Variants in OR56A1 observed in about 807,000 individuals in gnomAD.
OR56A1 encodes the protein olfactory receptor 56A1.
For missense variants in OR56A1, 360 were observed against 380.9 expected, an observed-to-expected ratio of 0.94 and a Z score of 0.46; for synonymous variants, 174 against 159.1, an observed-to-expected ratio of 1.09 and a Z score of -0.70.
rs1226183614 is a variant in OR56A1 at position 6,021,868 on chromosome 11, G to A, written c.*4880C>T. The A allele has an allele frequency of 2.0e-5, 3 of 152,102 alleles. No individual in the cohort carries two copies. Among genetic ancestry groups the A allele is most frequent in the Admixed American group, 2.0e-4 (3 of 15,254 alleles). 9.4% of individuals were successfully genotyped at this position (152,102 alleles called of 1,614,324 possible). On this transcript the variant is annotated 3_prime_UTR_variant, in exon 2 of 2. Coordinates refer to ENST00000641900, the MANE Select transcript of OR56A1 (RefSeq NM_001388488.1). ...AAATATTGCAATATCTGCTCCTAAA[G>A]CATTCTCGCATTACTATTAAGTTAC...
At chr11:6,030,493 GAGGA>G (rs1449442573) in intron 1 of OR56A1, among the ~76,000 whole-genome samples, 1 of 152,038 alleles carries the variant, frequency 6.6e-6, no homozygotes, top group African/African-American at 2.4e-5. Context: ...GAAAAGGAAG[GAGGA>G]AGGGAGGGAG....
rs960204683 is a variant in OR56A1, at chr11:6,021,729, A to C, written c.*5019T>G. On this transcript the variant is annotated 3_prime_UTR_variant, in exon 2 of 2. Transcript: ENST00000641900. The stretch of plus-strand genomic sequence containing the variant: ...CAAACCCCCAAAGGCAGATGGCATT[A>C]AAAAAACAATAAAAAGCAATGATCA... 2 of 152,058 alleles carry C rather than the reference A, an allele frequency of 1.3e-5. No individual in the cohort carries two copies. Among genetic ancestry groups the C allele is most frequent in the Non-Finnish European group, 2.9e-5 (2 of 67,982 alleles). 9.4% of individuals were successfully genotyped at this position (152,058 alleles called of 1,614,324 possible). A position where few individuals can be genotyped will look rare whatever the true frequency, so the allele number is the denominator to read the frequency against.
In OR56A1 at chr11:6,026,819, G is replaced by A. The variant is rs1461554557; in HGVS notation, c.874C>T (p.Pro292Ser). The A allele has an allele frequency of 6.2e-7, 1 of 1,614,082 alleles. No homozygotes were observed. The highest frequency in any genetic ancestry group is 1.7e-5 in the Admixed American group (1 of 60,018). Residue 292 changes from proline (P) to serine (S), a missense_variant, in exon 2 of 2, where the codon CCT becomes TCT. By Grantham distance (74) the Pro-to-Ser change is moderately conservative. Coordinates refer to ENST00000641900, the MANE Select transcript of OR56A1 (RefSeq NM_001388488.1). ...LHHLIPPALN[P>S]IVYGVRTKEI... Reference sequence around the variant, plus strand: ...TTGGTCCGAACCCCATACACAATAGGGTTCAATGCAGGAGGAATAAGGTGA... The same window carrying A: ...TTGGTCCGAACCCCATACACAATAGAGTTCAATGCAGGAGGAATAAGGTGA...
Position 6,021,905 on chromosome 11 carries a change from T to C in OR56A1, c.*4843A>G, listed in dbSNP as rs535801948. The C allele has an allele frequency of 6.6e-6, 1 of 152,182 alleles. No homozygotes were observed. The allele number at this position is 152,182 out of a possible 1,614,324, so 9.4% of individuals were successfully genotyped here. ...TACTATTAAGTTACTGCTAACTGAA[T>C]TCTACACTTCATTTCCAGTTGGAAA... On this transcript the variant is annotated 3_prime_UTR_variant, in exon 2 of 2. Coordinates refer to ENST00000641900, the MANE Select transcript of OR56A1 (RefSeq NM_001388488.1).
chr11:6,025,253 C>G lies in OR56A1; in HGVS notation c.*1495G>C, dbSNP rs1848435740. 6.6e-6 allele frequency: 1 copy of G among 152,242 alleles called. No homozygotes were observed. Among genetic ancestry groups the G allele is most frequent in the Non-Finnish European group, 1.5e-5 (1 of 68,118 alleles). The allele number at this position is 152,242 out of a possible 1,614,324, so 9.4% of individuals were successfully genotyped here. A position where few individuals can be genotyped will look rare whatever the true frequency, so the allele number is the denominator to read the frequency against. On this transcript the variant is annotated 3_prime_UTR_variant, in exon 2 of 2. Transcript: ENST00000641900. The stretch of plus-strand genomic sequence containing the variant: ...AGACCCACATAAGATTGGAGCTGCG[C>G]CAGTTACTAACACTTATCTCTCAGT...
At position 6,023,160 on chromosome 11, in the gene OR56A1, G is replaced by A. The variant is rs1848414083; in HGVS notation, c.*3588C>T. On this transcript the variant is annotated 3_prime_UTR_variant, in exon 2 of 2. Transcript: ENST00000641900. ...TACAGTACCGTTATTCCCACAAATA[G>A]CCACAAAGGGGCAATGTTGACTTGC... The A allele has an allele frequency of 6.6e-6, 1 of 152,144 alleles. No individual in the cohort carries two copies. The highest frequency in any genetic ancestry group is 1.9e-4 in the East Asian group (1 of 5,192). 9.4% of individuals were successfully genotyped at this position (152,144 alleles called of 1,614,324 possible).
intron 1 of OR56A1, among the ~76,000 whole-genome samples, chr11:6,029,715 C>T (rs1347035170): frequency 6.6e-6 from 1 of 152,180 alleles, no homozygotes; most frequent in Non-Finnish European, 1.5e-5. Flanking sequence ...ACACATCCAT[C>T]ATCCACTACC....
rs993777834 is a variant in OR56A1 at position 6,024,271 on chromosome 11, C to T, written c.*2477G>A. 2 of 152,220 alleles carry T rather than the reference C, an allele frequency of 1.3e-5. No homozygotes were observed. The highest frequency in any genetic ancestry group is 2.9e-5 in the Non-Finnish European group (2 of 68,052). 9.4% of individuals were successfully genotyped at this position (152,220 alleles called of 1,614,324 possible). ...CCCACTGCTGTCTTGGTCCCTCCATCCTTTACAAATCCCTACAACAAAGTT... is the reference window on the plus strand; with the variant it reads ...CCCACTGCTGTCTTGGTCCCTCCATTCTTTACAAATCCCTACAACAAAGTT... On this transcript the variant is annotated 3_prime_UTR_variant, in exon 2 of 2. Transcript: ENST00000641900.
At chr11:6,028,487 C>A (rs969058617) in intron 1 of OR56A1, among the ~76,000 whole-genome samples, 1 of 152,026 alleles carries the variant, frequency 6.6e-6, no homozygotes, top group Admixed American at 6.5e-5. Flanking sequence ...CAGAAGGTGA[C>A]ATCAAATACC....
rs1272293206 is a variant in OR56A1, at chr11:6,021,539, T to TAAA, written c.*5206_*5208dup. On this transcript the variant is annotated 3_prime_UTR_variant, in exon 2 of 2. Coordinates refer to ENST00000641900, the MANE Select transcript of OR56A1 (RefSeq NM_001388488.1). ...ATCAATTTTAAAATGAATAATTAAA[T>TAAA]AAAAAATTATTTAAAGTACTGATAC... 6.6e-6 allele frequency: 1 copy of TAAA among 152,048 alleles called. No individual in the cohort carries two copies. Among genetic ancestry groups the TAAA allele is most frequent in the African/African-American group, 2.4e-5 (1 of 41,416 alleles). The allele number at this position is 152,048 out of a possible 1,614,324, so 9.4% of individuals were successfully genotyped here. A position where few individuals can be genotyped will look rare whatever the true frequency, so the allele number is the denominator to read the frequency against.
In OR56A1 at chr11:6,024,620, C is replaced by T. The variant is rs1204604490; in HGVS notation, c.*2128G>A. The T allele has an allele frequency of 2.0e-5, 3 of 152,152 alleles. No individual in the cohort carries two copies. The highest frequency in any genetic ancestry group is 1.9e-4 in the East Asian group (1 of 5,202). The allele number at this position is 152,152 out of a possible 1,614,324, so 9.4% of individuals were successfully genotyped here. A position where few individuals can be genotyped will look rare whatever the true frequency, so the allele number is the denominator to read the frequency against. ...CTTTTATGATCACGTATAGAAGGCT[C>T]TTATGAAAATTAAATATTATTATTC... On this transcript the variant is annotated 3_prime_UTR_variant, in exon 2 of 2. Coordinates refer to ENST00000641900, the MANE Select transcript of OR56A1 (RefSeq NM_001388488.1).
At position 6,027,721 on chromosome 11, in the gene OR56A1, T is replaced by C; in HGVS notation, c.-29A>G. On this transcript the variant is annotated 5_prime_UTR_variant, in exon 2 of 2. Transcript: ENST00000641900. ...CTGAATCATGAGCTGAGTAGGCTTC[T>C]GATGACTATGTTTATGGGCAGATAC... is the stretch of plus-strand genomic sequence containing the variant. 1 of 1,505,608 alleles carries C rather than the reference T, an allele frequency of 6.6e-7. No homozygotes were observed. Among genetic ancestry groups the C allele is most frequent in the Non-Finnish European group, 9.0e-7 (1 of 1,116,188 alleles). 93.3% of individuals were successfully genotyped at this position (1,505,608 alleles called of 1,614,324 possible).
rs1848381330 is a variant in OR56A1 at position 6,020,190 on chromosome 11, A to G, written c.*6558T>C. The G allele has an allele frequency of 1.3e-5, 2 of 152,160 alleles. No individual in the cohort carries two copies. The highest frequency in any genetic ancestry group is 2.9e-5 in the Non-Finnish European group (2 of 67,992). 9.4% of individuals were successfully genotyped at this position (152,160 alleles called of 1,614,324 possible). ...CAGAAAATACATTGTTTCCAATCAA[A>G]TACCAGGATCTTAACATAATCATAG... On this transcript the variant is annotated 3_prime_UTR_variant, in exon 2 of 2. Transcript: ENST00000641900.
Position 6,027,681 on chromosome 11 carries a change from G to T in OR56A1, c.12C>A (p.Pro4=). 6.3e-7 allele frequency: 1 copy of T among 1,591,502 alleles called. No individual in the cohort carries two copies. The highest frequency in any genetic ancestry group is 8.6e-7 in the Non-Finnish European group (1 of 1,169,462). Reference sequence around the variant, plus strand: ...AGACTGGGACAGTGGAGCTGTTGCTGGGTGACGCCATAGGCTGAATCATGA... The same window carrying T: ...AGACTGGGACAGTGGAGCTGTTGCTTGGTGACGCCATAGGCTGAATCATGA... The part of the protein sequence containing the change: MAS[P]SNSSTVPVSE... Residue 4 remains proline, a synonymous_variant, in exon 2 of 2, where the codon CCC becomes CCA. Coordinates refer to ENST00000641900, the MANE Select transcript of OR56A1 (RefSeq NM_001388488.1).
At position 6,022,838 on chromosome 11, in the gene OR56A1, T is replaced by G. The variant is rs1008988343; in HGVS notation, c.*3910A>C. On this transcript the variant is annotated 3_prime_UTR_variant, in exon 2 of 2. Coordinates refer to ENST00000641900, the MANE Select transcript of OR56A1 (RefSeq NM_001388488.1). ...AATAACTAATTTTTGGTTGAATAGGTGCAGAAATGTTGTTATTATATACAG... is the reference window on the plus strand; with the variant it reads ...AATAACTAATTTTTGGTTGAATAGGGGCAGAAATGTTGTTATTATATACAG... 10 of 152,168 alleles carry G rather than the reference T, an allele frequency of 6.6e-5. No homozygotes were observed. Among genetic ancestry groups the G allele is most frequent in the Non-Finnish European group, 1.0e-4 (7 of 68,016 alleles). 9.4% of individuals were successfully genotyped at this position (152,168 alleles called of 1,614,324 possible).
In OR56A1 at chr11:6,027,455, C is replaced by A; in HGVS notation, c.238G>T (p.Val80Phe). ...AAGATGGCCAGGACCTTGGGGATGA[C>A]GGTGAGGCAGAGCACGATGTCCAGC... is the stretch of plus-strand genomic sequence containing the variant. ...SLLDIVLCLT[V>F]IPKVLAIFWY... is the part of the protein sequence containing the mutation. Residue 80 changes from valine to phenylalanine, a missense_variant, in exon 2 of 2, where the codon GTC becomes TTC. Coordinates refer to ENST00000641900, the MANE Select transcript of OR56A1 (RefSeq NM_001388488.1). 1 of 1,614,106 alleles carries A rather than the reference C, an allele frequency of 6.2e-7. No individual in the cohort carries two copies. Among genetic ancestry groups the A allele is most frequent in the Non-Finnish European group, 8.5e-7 (1 of 1,180,020 alleles).
chr11:6,024,952 G>C lies in OR56A1; in HGVS notation c.*1796C>G, dbSNP rs940566987. On this transcript the variant is annotated 3_prime_UTR_variant, in exon 2 of 2. Coordinates refer to ENST00000641900, the MANE Select transcript of OR56A1 (RefSeq NM_001388488.1). ...ATGGGTATAATTTTTCTTTCCTACTGTTGTTGAGTGACTGGAAGAAACTCT... is the reference window on the plus strand; with the variant it reads ...ATGGGTATAATTTTTCTTTCCTACTCTTGTTGAGTGACTGGAAGAAACTCT... The C allele has an allele frequency of 6.6e-6, 1 of 152,124 alleles. No homozygotes were observed. Among genetic ancestry groups the C allele is most frequent in the South Asian group, 2.1e-4 (1 of 4,820 alleles). The allele number at this position is 152,124 out of a possible 1,614,324, so 9.4% of individuals were successfully genotyped here.
intron 1 of OR56A1, among the ~76,000 whole-genome samples, chr11:6,028,183 A>G (rs1383183435): frequency 5.9e-5 from 9 of 152,132 alleles, no homozygotes; most frequent in African/African-American, 2.2e-4. Flanking sequence ...ATACTAGAAG[A>G]AAATAGAATA....
chr11:6,032,303 G>A (rs912617003), upstream of OR56A1, among the ~76,000 whole-genome samples: 1 of 152,140 alleles, frequency 6.6e-6, no homozygotes, highest in African/African-American at 2.4e-5. Flanking sequence ...CAGAAGGAAA[G>A]TAAGATAATT....
Sources: gnomAD v4.1 joint callset for allele counts (sites outside exome capture counted in the v4.1 genomes callset) on GRCh38, gnomAD v4.1.1 for gene constraint, MANE v1.5 for transcripts, NCBI Gene and HGNC (gene_info 2026-07-23, HGNC 2026-07-21) for gene names.